Variants in TSHZ2 observed in about 807,000 individuals in gnomAD.
TSHZ2 encodes the protein teashirt homolog 2.
Under a neutral mutation model 74.4 loss-of-function variants are expected in TSHZ2, and 21 were observed. The observed-to-expected ratio is 0.28, with a 90% CI of 0.20 to 0.41. TSHZ2 has a LOEUF of 0.41. Among genes scored for constraint, TSHZ2 ranks in the 10% least tolerant of loss-of-function variants. The pLI is 1.00. For synonymous variants in TSHZ2, 540 were observed against 515.3 expected (o/e 1.05, Z -0.65); for missense variants, 1,244 against 1,293.5 (o/e 0.96, Z 0.59).
intron 1 of TSHZ2, among the ~76,000 whole-genome samples, chr20:53,054,216 A>C (rs1984569386): frequency 6.6e-6 from 1 of 152,212 alleles, no homozygotes; most frequent in African/African-American, 2.4e-5. Context: ...CCACGGTCCA[A>C]CTTTGTTACA....
rs148465040 is a variant in TSHZ2 at position 53,210,535 on chromosome 20, C to T, written c.41-42964C>T. Among the ~76,000 whole-genome samples the T allele has an allele frequency of 2.6e-3, 402 of 152,018 alleles. 5 individuals carry two copies. Among genetic ancestry groups the T allele is most frequent in the African/African-American group, 9.4e-3 (388 of 41,438 alleles). On this transcript the variant is annotated intron_variant, in intron 1 of 2. Coordinates refer to ENST00000371497, the MANE Select transcript of TSHZ2 (RefSeq NM_173485.6). Reference sequence around the variant, plus strand: ...GTCAGCATTCAGACGTTCCTTCTCTCTTTCTCTGCCGTGCCATTCCATCGT... The same window carrying T: ...GTCAGCATTCAGACGTTCCTTCTCTTTTTCTCTGCCGTGCCATTCCATCGT...
At chr20:53,283,981 G>A (rs756729422) in intron 2 of TSHZ2, among the ~76,000 whole-genome samples, 5 of 152,218 alleles carry the variant, frequency 3.3e-5, no homozygotes, top group Non-Finnish European at 7.3e-5. Flanking sequence ...GTAGAGCTTC[G>A]AGGAGTTTGG....
At chr20:53,374,339 G>A (rs746752700) in intron 2 of TSHZ2, among the ~76,000 whole-genome samples, 1 of 152,044 alleles carries the variant, frequency 6.6e-6, no homozygotes, top group African/African-American at 2.4e-5. Flanking sequence ...TTGTATGGCT[G>A]TGTAGTATTT....
At chr20:53,011,916 T>C (rs1982865034) in intron 1 of TSHZ2, among the ~76,000 whole-genome samples, 1 of 152,114 alleles carries the variant, frequency 6.6e-6, no homozygotes, top group African/African-American at 2.4e-5. Flanking sequence ...GTCCCTGCAC[T>C]TTACAAAACA....
chr20:53,388,662 C>A (rs1339617510), intron 2 of TSHZ2, among the ~76,000 whole-genome samples: 5 of 150,648 alleles, frequency 3.3e-5, no homozygotes, highest in Non-Finnish European at 5.9e-5. Flanking sequence ...ACTGCAACCT[C>A]TGCCTCCCAG....
intron 1 of TSHZ2, among the ~76,000 whole-genome samples, chr20:53,226,152 A>G (rs1455201777): frequency 7.9e-6 from 1 of 126,474 alleles, no homozygotes; most frequent in East Asian, 2.1e-4. Flanking sequence ...ACACACACAC[A>G]CACACACATG....
rs1475144352 is a variant in TSHZ2 at position 53,282,694 on chromosome 20, G to T, written c.*8+26123G>T. Among the ~76,000 whole-genome samples, 6 of 152,218 alleles carry T rather than the reference G, an allele frequency of 3.9e-5. No homozygotes were observed. In the East Asian group the frequency reaches 1.2e-3, roughly 29 times the overall value. On this transcript the variant is annotated intron_variant, in intron 2 of 2. Coordinates refer to ENST00000371497, the MANE Select transcript of TSHZ2 (RefSeq NM_173485.6). The stretch of plus-strand genomic sequence containing the variant: ...GGCCGGTTCTGACACTGAAGTCTGT[G>T]CATTTTTCTAGTGGCACCTTTCAGA...
At chr20:53,073,213 C>T (rs1174798812) in intron 1 of TSHZ2, among the ~76,000 whole-genome samples, 1 of 146,928 alleles carries the variant, frequency 6.8e-6, no homozygotes, top group Non-Finnish European at 1.5e-5. Flanking sequence ...TCCATTTATC[C>T]CTTAATCCAT....
chr20:53,360,533 GT>G (rs1195476018), intron 2 of TSHZ2, among the ~76,000 whole-genome samples: 1 of 152,056 alleles, frequency 6.6e-6, no homozygotes, highest in Non-Finnish European at 1.5e-5. Flanking sequence ...ATATTTTTTT[GT>G]TTCTAGAATG....
At chr20:53,176,295 C>A (rs917104131) in intron 1 of TSHZ2, among the ~76,000 whole-genome samples, 2 of 152,284 alleles carry the variant, frequency 1.3e-5, no homozygotes, top group African/African-American at 2.4e-5. Flanking sequence ...TGAAATAGTT[C>A]TTTGCCCTCA....
chr20:53,272,104 C>G (rs1260761647), intron 2 of TSHZ2, among the ~76,000 whole-genome samples: 1 of 151,980 alleles, frequency 6.6e-6, no homozygotes, highest in East Asian at 1.9e-4. Context: ...CTCCACCTCC[C>G]TGGTTCAAGT....
chr20:53,314,363 C>A (rs1391215806), intron 2 of TSHZ2, among the ~76,000 whole-genome samples: 1 of 151,868 alleles, frequency 6.6e-6, no homozygotes, highest in Non-Finnish European at 1.5e-5. Context: ...CGACCCCAAA[C>A]CTAGCAGCTT....
intron 1 of TSHZ2, among the ~76,000 whole-genome samples, chr20:53,106,060 C>T (rs1445028263): frequency 1.3e-5 from 2 of 152,006 alleles, no homozygotes; most frequent in Non-Finnish European, 2.9e-5. Flanking sequence ...TTTAGCATAT[C>T]CATCATCTCA....
intron 2 of TSHZ2, among the ~76,000 whole-genome samples, chr20:53,265,847 A>G (rs1990704869): frequency 6.6e-6 from 1 of 152,254 alleles, no homozygotes; most frequent in Non-Finnish European, 1.5e-5. Flanking sequence ...ACAGAGAGGC[A>G]CAGGAGAGCA....
chr20:53,294,472 T>C (rs370899731), intron 2 of TSHZ2, among the ~76,000 whole-genome samples: 1 of 146,934 alleles, frequency 6.8e-6, no homozygotes, highest in African/African-American at 2.5e-5. Flanking sequence ...CACAAGCTTA[T>C]AAAAAAAAAA....
chr20:53,484,504 G>C (rs1020028776), intron 2 of TSHZ2, among the ~76,000 whole-genome samples: 2 of 151,122 alleles, frequency 1.3e-5, no homozygotes, highest in Non-Finnish European at 2.9e-5. Flanking sequence ...TCATGCCTCA[G>C]CCTCCTGAGT....
chr20:53,228,103 AAC>A (rs10561638), intron 1 of TSHZ2, among the ~76,000 whole-genome samples: 30,719 of 134,230 alleles, frequency 0.23, 3,315 homozygotes, highest in South Asian at 0.31. Flanking sequence ...TGGCCCCCAA[AAC>A]ACACACACAC....
At chr20:53,360,788 A>C (rs143010154) in intron 2 of TSHZ2, among the ~76,000 whole-genome samples, 2 of 152,234 alleles carry the variant, frequency 1.3e-5, no homozygotes, top group African/African-American at 4.8e-5. Flanking sequence ...CTGGAGTATC[A>C]AACCCAGGCA....
At chr20:53,464,604 G>T (rs1985500054) in intron 2 of TSHZ2, among the ~76,000 whole-genome samples, 1 of 152,136 alleles carries the variant, frequency 6.6e-6, no homozygotes, top group Admixed American at 6.5e-5. Context: ...TGGAACTATA[G>T]GTGCACACCA....
Sources: gnomAD v4.1 joint callset for allele counts (sites outside exome capture counted in the v4.1 genomes callset) on GRCh38, gnomAD v4.1.1 for gene constraint, MANE v1.5 for transcripts, NCBI Gene and HGNC (gene_info 2026-07-23, HGNC 2026-07-21) for gene names.